SRBD1: variants seen among roughly 807,000 people sequenced by gnomAD.
SRBD1 encodes the protein S1 RNA-binding domain-containing protein 1.
A neutral mutation model predicts 115.3 loss-of-function variants in SRBD1; 88 were observed. The ratio of observed to expected loss-of-function variants is 0.76; its 90% CI spans 0.64 to 0.91. The LOEUF (loss-of-function observed/expected upper bound fraction) is 0.91. SRBD1 is among the 40% of genes least tolerant of loss of function. The pLI is 0.00. For missense variants in SRBD1, 1,385 were observed against 1,177.4 expected, an observed-to-expected ratio of 1.18 and a Z score of -2.58; for synonymous variants, 509 against 407.7, an observed-to-expected ratio of 1.25 and a Z score of -2.99.
In SRBD1 at chr2:45,585,696, G is replaced by T; in HGVS notation, c.727C>A (p.Pro243Thr). Residue 243 changes from proline (P) to threonine (T), a missense_variant, in exon 5 of 21, where the codon CCC (proline) becomes ACC (threonine). Pro to Thr is a conservative substitution (Grantham distance 38). Coordinates refer to ENST00000263736, the MANE Select transcript of SRBD1 (RefSeq NM_018079.5). ...TCTTTTCTATAACGTATAATGAAGGGAATTGTGTTATCATCATTAAAGAGA... is the reference window on the plus strand; with the variant it reads ...TCTTTTCTATAACGTATAATGAAGGTAATTGTGTTATCATCATTAAAGAGA... Reference protein sequence around the residue: ...IRLFNDDNTIPFIIRYRKELI... With the variant: ...IRLFNDDNTITFIIRYRKELI... 1 of 1,612,480 alleles carries T rather than the reference G, an allele frequency of 6.2e-7. No individual in the cohort carries two copies. Among genetic ancestry groups the T allele is most frequent in the South Asian group, 1.1e-5 (1 of 90,772 alleles).
At chr2:45,436,669 T>A (rs570132996) in intron 16 of SRBD1, among the ~76,000 whole-genome samples, 4 of 152,248 alleles carry the variant, frequency 2.6e-5, no homozygotes, top group African/African-American at 9.6e-5. Context: ...TCAGATCTTG[T>A]TAGAATTTAC....
At chr2:45,586,948 A>T (rs1362963781) in intron 4 of SRBD1, among the ~76,000 whole-genome samples, 1 of 146,590 alleles carries the variant, frequency 6.8e-6, no homozygotes, top group Non-Finnish European at 1.5e-5. Context: ...TAAAATATTT[A>T]AAATTATTTT....
At chr2:45,550,546 T>C (rs186678936) in intron 12 of SRBD1, among the ~76,000 whole-genome samples, 1 of 149,446 alleles carries the variant, frequency 6.7e-6, no homozygotes, top group Admixed American at 6.6e-5. Context: ...ACTGCCAATC[T>C]TGAATTCTAC....
intron 19 of SRBD1, among the ~76,000 whole-genome samples, chr2:45,410,383 C>G (rs1466215957): frequency 6.6e-6 from 1 of 152,104 alleles, no homozygotes; most frequent in African/African-American, 2.4e-5. Flanking sequence ...ATGTATTTTT[C>G]TAAGATAAAT....
At chr2:45,581,173 T>G (rs1673351551) in intron 6 of SRBD1, among the ~76,000 whole-genome samples, 1 of 152,174 alleles carries the variant, frequency 6.6e-6, no homozygotes, top group Non-Finnish European at 1.5e-5. Flanking sequence ...GACCTCCATC[T>G]AAAACTCTCT....
intron 16 of SRBD1, among the ~76,000 whole-genome samples, chr2:45,425,296 C>A (rs900939743): frequency 1.3e-5 from 2 of 152,102 alleles, no homozygotes; most frequent in South Asian, 4.1e-4. Flanking sequence ...TATAATAGCA[C>A]GTAACTGAAT....
intron 19 of SRBD1, among the ~76,000 whole-genome samples, chr2:45,408,335 T>C (rs934573141): frequency 1.3e-5 from 2 of 152,214 alleles, no homozygotes; most frequent in Non-Finnish European, 2.9e-5. Context: ...GTAAGATAAA[T>C]TGCTAATTTC....
chr2:45,414,431 T>C (rs1667702772), intron 18 of SRBD1, among the ~76,000 whole-genome samples: 1 of 151,896 alleles, frequency 6.6e-6, no homozygotes, highest in South Asian at 2.1e-4. Context: ...CATATATACA[T>C]ATACACTATA....
chr2:45,517,280 G>C (rs1262133503), intron 14 of SRBD1, among the ~76,000 whole-genome samples: 1 of 152,040 alleles, frequency 6.6e-6, no homozygotes, highest in Non-Finnish European at 1.5e-5. Context: ...ATTTTCTGTT[G>C]TTTTTATTGC....
chr2:45,584,738 A>G (rs893061951), intron 5 of SRBD1, among the ~76,000 whole-genome samples: 1 of 152,312 alleles, frequency 6.6e-6, no homozygotes, highest in Non-Finnish European at 1.5e-5. Flanking sequence ...CTTTGTACAC[A>G]TATTTCTCAG....
chr2:45,407,692 G>C (rs1318362752), intron 19 of SRBD1, among the ~76,000 whole-genome samples: 1 of 152,134 alleles, frequency 6.6e-6, no homozygotes, highest in East Asian at 1.9e-4. Flanking sequence ...AGAGATGAGG[G>C]ATCTCAAGAC....
intron 5 of SRBD1, among the ~76,000 whole-genome samples, chr2:45,582,349 T>C (rs937851997): frequency 7.9e-5 from 12 of 152,342 alleles, no homozygotes; most frequent in Middle Eastern, 3.4e-3. Context: ...GAAGTCATAC[T>C]GTGTTCTTAC....
intron 14 of SRBD1, among the ~76,000 whole-genome samples, chr2:45,516,459 A>C (rs1284251807): frequency 6.6e-6 from 1 of 152,194 alleles, no homozygotes; most frequent in Non-Finnish European, 1.5e-5. Context: ...CTTGTCTGTA[A>C]CACATTAATG....
In SRBD1 at chr2:45,440,514, C is replaced by A. The variant is rs924037856; in HGVS notation, c.2050-20620G>T. ...ATCTGAACTGGACCACACCTATCTGCCCCCATGTGTGGTCACTGGGCTAAA... is the reference window on the plus strand; with the variant it reads ...ATCTGAACTGGACCACACCTATCTGACCCCATGTGTGGTCACTGGGCTAAA... On this transcript the variant is annotated intron_variant, in intron 16 of 20. Transcript: ENST00000263736. Among the ~76,000 whole-genome samples, 7 of 152,278 alleles carry A rather than the reference C, an allele frequency of 4.6e-5. No homozygotes were observed. The South Asian group carries it at 1.5e-3, about 32-fold the overall frequency.
intron 14 of SRBD1, 84 bp from the exon 15 acceptor site, chr2:45,488,415 C>T: frequency 8.9e-7 from 1 of 1,126,740 alleles, no homozygotes; most frequent in Non-Finnish European, 1.3e-6. Flanking sequence ...CAGGCATTAC[C>T]AGAAAAAAAA....
chr2:45,512,063 C>T (rs1389410231), intron 14 of SRBD1, among the ~76,000 whole-genome samples: 1 of 152,184 alleles, frequency 6.6e-6, no homozygotes, highest in African/African-American at 2.4e-5. Context: ...GGAATCTTCT[C>T]TTCTCCATAG....
chr2:45,506,225 C>A (rs1411847464), intron 14 of SRBD1, among the ~76,000 whole-genome samples: 2 of 152,008 alleles, frequency 1.3e-5, no homozygotes, highest in Non-Finnish European at 2.9e-5. Context: ...TAATACAATC[C>A]ATCCATGGAA....
At chr2:45,552,669 C>T (rs964908755) in intron 11 of SRBD1, among the ~76,000 whole-genome samples, 64 of 152,078 alleles carry the variant, frequency 4.2e-4, no homozygotes, top group African/African-American at 1.5e-3. Context: ...CAAAAGCAAG[C>T]GATGTTAGAC....
At chr2:45,486,470 G>C (rs577907398) in intron 15 of SRBD1, among the ~76,000 whole-genome samples, 80 of 152,286 alleles carry the variant, frequency 5.3e-4, no homozygotes, top group African/African-American at 1.8e-3. Flanking sequence ...GCTCACGCCT[G>C]TAATCCCAGC....
Sources: allele counts gnomAD v4.1 joint callset (sites outside exome capture counted in the v4.1 genomes callset), GRCh38; gene constraint gnomAD v4.1.1; transcripts MANE v1.5; gene names NCBI Gene and HGNC (gene_info 2026-07-23, HGNC 2026-07-21).